Variants in VSTM4 observed in about 807,000 individuals in gnomAD.
VSTM4 encodes the protein V-set and transmembrane domain-containing protein 4.
In VSTM4, 20 loss-of-function variants were observed where a neutral mutation model predicts 36.4. That is an observed-to-expected ratio of 0.55 (90% CI 0.39 to 0.80). VSTM4 has a LOEUF of 0.80. VSTM4 is among the 30% of genes least tolerant of loss of function. The pLI, the probability that VSTM4 is intolerant of heterozygous loss-of-function variation, is 0.00. For missense variants in VSTM4, 392 were observed against 404.5 expected (o/e 0.97, Z 0.26); for synonymous variants, 182 against 173.9 (o/e 1.05, Z -0.37).
intron 3 of VSTM4, among the ~76,000 whole-genome samples, chr10:49,079,249 G>T (rs1357874059): frequency 6.6e-6 from 1 of 152,020 alleles, no homozygotes; most frequent in Non-Finnish European, 1.5e-5. Context: ...CGTCACCCAG[G>T]CTGGAGTGCA....
intron 7 of VSTM4, among the ~76,000 whole-genome samples, chr10:49,036,736 G>A (rs1184273831): frequency 3.9e-5 from 6 of 152,124 alleles, no homozygotes; most frequent in African/African-American, 1.4e-4. Flanking sequence ...AACTAGGGCC[G>A]GGGGAAGAAA....
rs867397847 is a variant in VSTM4, at chr10:49,020,736, G to A, written c.838-961C>T. Among the ~76,000 whole-genome samples, 77 of 126,524 alleles carry A rather than the reference G, an allele frequency of 6.1e-4. 1 individual carries two copies. Among genetic ancestry groups the A allele is most frequent in the African/African-American group, 1.7e-3 (59 of 34,790 alleles). 83.0% of individuals were successfully genotyped at this position (126,524 alleles called of 152,430 possible). A position where few individuals can be genotyped will look rare whatever the true frequency, so the allele number is the denominator to read the frequency against. On this transcript the variant is annotated intron_variant, in intron 7 of 7. Transcript: ENST00000332853. ...AGGAAGGAAGGAAAGAAGAAGGAAG[G>A]AAGGAAGGAAGGAAGGGAGGGAGGG...
chr10:49,081,324 C>T (rs1203271944), intron 3 of VSTM4, among the ~76,000 whole-genome samples: 2 of 152,178 alleles, frequency 1.3e-5, no homozygotes, highest in African/African-American at 4.8e-5. Flanking sequence ...GGTCCCCAGA[C>T]CAAAAGGCAG....
chr10:49,094,082 G>A (rs1030886758), intron 2 of VSTM4, among the ~76,000 whole-genome samples: 2 of 152,174 alleles, frequency 1.3e-5, no homozygotes, highest in Admixed American at 1.3e-4. Context: ...TGAAATGAAC[G>A]TGATACAGTG....
intron 5 of VSTM4, among the ~76,000 whole-genome samples, chr10:49,059,400 T>G (rs1201169760): frequency 1.3e-5 from 2 of 152,168 alleles, no homozygotes; most frequent in Non-Finnish European, 2.9e-5. Flanking sequence ...TTGACCTCAT[T>G]TATCCCAGGG....
chr10:49,054,160 C>T (rs960202666), intron 5 of VSTM4, among the ~76,000 whole-genome samples: 1 of 152,166 alleles, frequency 6.6e-6, no homozygotes, highest in South Asian at 2.1e-4. Flanking sequence ...TGGCCTGCTT[C>T]CTCTGGCCCT....
intron 7 of VSTM4, among the ~76,000 whole-genome samples, chr10:49,038,590 G>A (rs558284066): frequency 8.5e-5 from 13 of 152,238 alleles, no homozygotes; most frequent in Middle Eastern, 6.8e-3. Context: ...AAGATAGTAC[G>A]TTTGCTGTTA....
intron 1 of VSTM4, among the ~76,000 whole-genome samples, chr10:49,108,758 C>T (rs1844838209): frequency 6.6e-6 from 1 of 152,168 alleles, no homozygotes. Context: ...ACTTCCTGTC[C>T]TTTGGTTCCT....
At chr10:49,097,295 C>A (rs973232115) in intron 2 of VSTM4, among the ~76,000 whole-genome samples, 1 of 152,216 alleles carries the variant, frequency 6.6e-6, no homozygotes, top group Admixed American at 6.5e-5. Flanking sequence ...CCGGGGGCCT[C>A]CTCCTGCTGA....
intron 2 of VSTM4, among the ~76,000 whole-genome samples, chr10:49,096,467 A>G (rs1451732897): frequency 6.6e-6 from 1 of 152,206 alleles, no homozygotes; most frequent in Non-Finnish European, 1.5e-5. Flanking sequence ...ATTAAACTGC[A>G]GGAGACATCC....
intron 4 of VSTM4, among the ~76,000 whole-genome samples, chr10:49,071,724 T>C (rs992455292): frequency 1.3e-5 from 2 of 152,174 alleles, no homozygotes; most frequent in African/African-American, 4.8e-5. Flanking sequence ...TCCAGGCAGA[T>C]GTTGCTGCAG....
chr10:49,045,075 C>T (rs1843586420), intron 7 of VSTM4, among the ~76,000 whole-genome samples: 1 of 152,046 alleles, frequency 6.6e-6, no homozygotes, highest in Non-Finnish European at 1.5e-5. Flanking sequence ...GTATTAATAC[C>T]CCATTGTATT....
intron 5 of VSTM4, among the ~76,000 whole-genome samples, chr10:49,063,329 C>T (rs1488334621): frequency 1.3e-5 from 2 of 152,118 alleles, no homozygotes; most frequent in African/African-American, 4.8e-5. Flanking sequence ...GAGTGAAACT[C>T]CATCTCATAG....
intron 7 of VSTM4, 26 bp downstream of exon 7, chr10:49,046,957 T>A: frequency 6.2e-7 from 1 of 1,609,064 alleles, no homozygotes; most frequent in Non-Finnish European, 8.5e-7. Context: ...TAAGGTATGA[T>A]AGGAATACAG....
Position 49,112,915 on chromosome 10 carries a change from C to T in VSTM4, c.55+2516G>A, listed in dbSNP as rs1358532427. ...CCACTCTGAAAACAGCCTAGGACAC[C>T]GTTGTAGCTGAATAGAACAACCTAC... On this transcript the variant is annotated intron_variant, in intron 1 of 7. Transcript: ENST00000332853. Among the ~76,000 whole-genome samples, 7 of 152,306 alleles carry T rather than the reference C, an allele frequency of 4.6e-5. No homozygotes were observed. The East Asian group carries it at 1.2e-3, about 25-fold the overall frequency.
chr10:49,065,246 AAAGT>A (rs1193375819), intron 4 of VSTM4, among the ~76,000 whole-genome samples: 1 of 152,216 alleles, frequency 6.6e-6, no homozygotes, highest in African/African-American at 2.4e-5. Context: ...CTGCAGAGGA[AAAGT>A]AAGAATACCT....
Position 49,042,293 on chromosome 10 carries a change from A to G in VSTM4, c.837+4690T>C, listed in dbSNP as rs147258828. On this transcript the variant is annotated intron_variant, in intron 7 of 7. Transcript: ENST00000332853. The stretch of plus-strand genomic sequence containing the variant: ...AGGCCTGCTGCTGCCTTTAAGAACC[A>G]TATGGTATAGTCAACAGAGTAGAAT... Among the ~76,000 whole-genome samples the G allele has an allele frequency of 5.3e-5, 8 of 152,360 alleles. No homozygotes were observed. In the East Asian group the frequency reaches 1.5e-3, roughly 29 times the overall value.
chr10:49,034,469 G>A (rs1309797691), intron 7 of VSTM4, among the ~76,000 whole-genome samples: 1 of 152,156 alleles, frequency 6.6e-6, no homozygotes, highest in Non-Finnish European at 1.5e-5. Context: ...ACACTCTCAC[G>A]ATAAATTTAT....
intron 2 of VSTM4, among the ~76,000 whole-genome samples, chr10:49,095,585 C>T (rs1043527652): frequency 6.6e-6 from 1 of 152,104 alleles, no homozygotes; most frequent in Non-Finnish European, 1.5e-5. Context: ...AGCAGGCTGT[C>T]GTCTCTACTG....
Sources: gnomAD v4.1 joint callset for allele counts (sites outside exome capture counted in the v4.1 genomes callset) on GRCh38, gnomAD v4.1.1 for gene constraint, MANE v1.5 for transcripts, NCBI Gene and HGNC (gene_info 2026-07-23, HGNC 2026-07-21) for gene names.